CACNA1E: variants seen among roughly 807,000 people sequenced by gnomAD.
CACNA1E encodes voltage-dependent R-type calcium channel subunit alpha-1E.
A neutral mutation model predicts 259.2 loss-of-function variants in CACNA1E; 40 were observed. The observed-to-expected ratio is 0.15, with a 90% CI of 0.12 to 0.20. The LOEUF (loss-of-function observed/expected upper bound fraction) is 0.20, where lower values mean the gene tolerates loss of function less well. Ranked by LOEUF, CACNA1E falls within the 10% of genes least tolerant of loss-of-function variation. The pLI, the probability that CACNA1E is intolerant of heterozygous loss-of-function variation, is 1.00. For missense variants in CACNA1E, 1,874 were observed against 3,040.1 expected (o/e 0.62, Z 9.02); for synonymous variants, 1,104 against 1,138.5 (o/e 0.97, Z 0.61).
chr1:181,474,413 T>C (rs570968415), intron 2 of CACNA1E, among the ~76,000 whole-genome samples: 3 of 152,366 alleles, frequency 2.0e-5, no homozygotes, highest in African/African-American at 2.4e-5. Flanking sequence ...ATTAGGAATA[T>C]TCAGAAACCT....
chr1:181,703,323 T>C (rs190922826), intron 7 of CACNA1E, among the ~76,000 whole-genome samples: 4 of 152,334 alleles, frequency 2.6e-5, no homozygotes, highest in African/African-American at 9.6e-5. Context: ...CCTTTTGAGA[T>C]AGGTATGATC....
intron 1 of CACNA1E, among the ~76,000 whole-genome samples, chr1:181,373,821 G>A (rs1326716062): frequency 6.6e-6 from 1 of 152,122 alleles, no homozygotes; most frequent in African/African-American, 2.4e-5. Context: ...CACCGTGCCT[G>A]GCCCAAGGTA....
chr1:181,720,395 T>A, intron 14 of CACNA1E, 58 bp downstream of exon 14: 1 of 1,562,442 alleles, frequency 6.4e-7, no homozygotes, highest in South Asian at 1.2e-5. Context: ...GTAGCCTGTG[T>A]TGGGCTAGGG....
intron 6 of CACNA1E, among the ~76,000 whole-genome samples, chr1:181,649,841 A>C (rs1658602633): frequency 6.6e-6 from 1 of 152,054 alleles, no homozygotes; most frequent in Non-Finnish European, 1.5e-5. Flanking sequence ...AACACACTGG[A>C]GTCTTTTGGA....
At chr1:181,622,123 G>A (rs1369647388) in intron 6 of CACNA1E, among the ~76,000 whole-genome samples, 2 of 152,198 alleles carry the variant, frequency 1.3e-5, no homozygotes, top group Non-Finnish European at 2.9e-5. Flanking sequence ...ACTCTCCATG[G>A]CACTGGTCCA....
chr1:181,756,824 A>C, intron 29 of CACNA1E, 101 bp from the exon 30 acceptor site: 1 of 810,514 alleles, frequency 1.2e-6, no homozygotes, highest in South Asian at 1.6e-5. Flanking sequence ...AGGATCTGCA[A>C]AGTCAAAGAA....
At chr1:181,783,648 G>A in intron 39 of CACNA1E, 31 bp from the exon 40 acceptor site, 1 of 809,220 alleles carries the variant, frequency 1.2e-6, no homozygotes, top group East Asian at 3.3e-5. Context: ...TTTTTTTTTT[G>A]CCTGCTGTTT....
chr1:181,535,129 A>G (rs573530637), intron 3 of CACNA1E, among the ~76,000 whole-genome samples: 9 of 152,356 alleles, frequency 5.9e-5, no homozygotes, highest in African/African-American at 2.2e-4. Context: ...AATGTCTGTT[A>G]AAAACGTAAA....
At chr1:181,569,455 T>C (rs1444177523) in intron 3 of CACNA1E, among the ~76,000 whole-genome samples, 2 of 152,246 alleles carry the variant, frequency 1.3e-5, no homozygotes, top group South Asian at 2.1e-4. Context: ...CTTTGGCTTA[T>C]CTCTATGTGA....
At chr1:181,670,231 A>G (rs1157348392) in intron 7 of CACNA1E, among the ~76,000 whole-genome samples, 2 of 152,200 alleles carry the variant, frequency 1.3e-5, no homozygotes, top group Non-Finnish European at 2.9e-5. Context: ...GTATACACTG[A>G]GGTGGCTGAA....
At chr1:181,411,967 C>G (rs544537141) in intron 1 of CACNA1E, among the ~76,000 whole-genome samples, 2 of 152,390 alleles carry the variant, frequency 1.3e-5, no homozygotes, top group South Asian at 4.1e-4. Context: ...ATAGCACATT[C>G]TGTGATGTGG....
At chr1:181,645,325 G>T (rs1658167736) in intron 6 of CACNA1E, among the ~76,000 whole-genome samples, 1 of 152,082 alleles carries the variant, frequency 6.6e-6, no homozygotes, top group Non-Finnish European at 1.5e-5. Context: ...GACAAAATCC[G>T]GGGTACCTTT....
intron 7 of CACNA1E, among the ~76,000 whole-genome samples, chr1:181,707,617 C>T (rs1652921151): frequency 6.6e-6 from 1 of 152,108 alleles, no homozygotes; most frequent in Non-Finnish European, 1.5e-5. Context: ...CTAATTTACA[C>T]TGATTATAGT....
intron 6 of CACNA1E, among the ~76,000 whole-genome samples, chr1:181,650,493 AG>A (rs1156461506): frequency 6.6e-6 from 1 of 152,220 alleles, no homozygotes; most frequent in African/African-American, 2.4e-5. Flanking sequence ...CTGTCAGGGG[AG>A]GAAGAGTCAA....
At chr1:181,369,232 A>C (rs1276932515) in intron 1 of CACNA1E, among the ~76,000 whole-genome samples, 2 of 152,242 alleles carry the variant, frequency 1.3e-5, no homozygotes, top group Non-Finnish European at 2.9e-5. Flanking sequence ...CCACTAATTG[A>C]AGCCTTGCTT....
chr1:181,353,237 T>C (rs1653174075), intron 1 of CACNA1E, among the ~76,000 whole-genome samples: 1 of 152,154 alleles, frequency 6.6e-6, no homozygotes, highest in Non-Finnish European at 1.5e-5. Flanking sequence ...TCCCACAGCA[T>C]TTAATGGGGG....
chr1:181,608,730 T>G (rs988746337), intron 6 of CACNA1E, among the ~76,000 whole-genome samples: 2 of 152,202 alleles, frequency 1.3e-5, no homozygotes, highest in Non-Finnish European at 2.9e-5. Context: ...CTTCTCCCTC[T>G]CCTCTATTCT....
chr1:181,674,944 G>T (rs112940882), intron 7 of CACNA1E, among the ~76,000 whole-genome samples: 53 of 152,172 alleles, frequency 3.5e-4, no homozygotes, highest in Non-Finnish European at 5.7e-4. Context: ...TTCCTGTTTC[G>T]ATTCCTTTTC....
chr1:181,446,448 A>T (rs1274234780), intron 2 of CACNA1E, among the ~76,000 whole-genome samples: 1 of 152,246 alleles, frequency 6.6e-6, no homozygotes, highest in Non-Finnish European at 1.5e-5. Flanking sequence ...TACAGGGGCT[A>T]TGGACTCTGT....
Sources: allele counts gnomAD v4.1 joint callset (sites outside exome capture counted in the v4.1 genomes callset), GRCh38; gene constraint gnomAD v4.1.1; transcripts MANE v1.5; gene names NCBI Gene and HGNC (gene_info 2026-07-23, HGNC 2026-07-21).